The following ANK2 variants were observed in gnomAD, a reference collection of about 807,000 sequenced individuals.
ANK2 encodes ankyrin 2, also known as ankyrin-2.
A neutral mutation model predicts 360.5 loss-of-function variants in ANK2; 83 were observed. That is an observed-to-expected ratio of 0.23 (90% CI 0.19 to 0.28). ANK2 has a LOEUF of 0.28. ANK2 is among the 10% of genes least tolerant of loss of function. ANK2 has a pLI of 1.00. For synonymous variants in ANK2, 1,740 were observed against 1,759.5 expected (o/e 0.99, Z 0.28); for missense variants, 4,201 against 4,795.7 (o/e 0.88, Z 3.66).
intron 1 of ANK2, among the ~76,000 whole-genome samples, chr4:112,832,166 C>G (rs1003056698): frequency 1.3e-5 from 2 of 152,230 alleles, no homozygotes; most frequent in Non-Finnish European, 2.9e-5. Context: ...ATTGTCCTGC[C>G]TCAGCCTCTT....
intron 2 of ANK2, among the ~76,000 whole-genome samples, chr4:113,195,244 G>A (rs939245799): frequency 2.0e-5 from 3 of 151,988 alleles, no homozygotes; most frequent in Non-Finnish European, 2.9e-5. Context: ...CAATTCGGTG[G>A]TCAGGAATTA....
intron 2 of ANK2, among the ~76,000 whole-genome samples, chr4:113,037,357 C>G (rs537893194): frequency 3.9e-5 from 6 of 152,106 alleles, no homozygotes; most frequent in Middle Eastern, 6.8e-3. Context: ...TGAGTCTCAA[C>G]TGATTAGATT....
intron 1 of ANK2, among the ~76,000 whole-genome samples, chr4:112,830,655 A>G (rs926036754): frequency 1.3e-5 from 2 of 152,080 alleles, no homozygotes; most frequent in African/African-American, 4.8e-5. Context: ...ACGTGCTAAC[A>G]GCCCTTGCTC....
chr4:113,241,445 C>G (rs1019983093), intron 8 of ANK2, among the ~76,000 whole-genome samples: 8 of 152,136 alleles, frequency 5.3e-5, no homozygotes, highest in Non-Finnish European at 8.8e-5. Context: ...TCAAGCAATC[C>G]TCCTGGCTCA....
chr4:113,363,461 A>T lies in ANK2; in HGVS notation c.10880A>T (p.His3627Leu). Residue 3627 changes from histidine (H) to leucine (L), a missense_variant, in exon 40 of 46, where the codon CAT (histidine) becomes CTT (leucine). Transcript: ENST00000357077. Reference sequence around the variant, plus strand: ...TACTGGCTAGAGAGGGATGGGAAACATGCTACAGGTAAGTGGGGAACTATA... The same window carrying T: ...TACTGGCTAGAGAGGGATGGGAAACTTGCTACAGGTAAGTGGGGAACTATA... ...LKYWLERDGK[H>L]ATDTNLVECL... 2 of 1,613,440 alleles carry T rather than the reference A, an allele frequency of 1.2e-6. No homozygotes were observed. Among genetic ancestry groups the T allele is most frequent in the Non-Finnish European group, 1.7e-6 (2 of 1,179,524 alleles).
At chr4:113,075,986 G>A (rs1269458860) in intron 1 of ANK2, among the ~76,000 whole-genome samples, 1 of 152,174 alleles carries the variant, frequency 6.6e-6, no homozygotes, top group Admixed American at 6.6e-5. Context: ...ATCTGATTCA[G>A]TAATTTGGGG....
chr4:113,099,291 T>A (rs554667196), intron 1 of ANK2, among the ~76,000 whole-genome samples: 2 of 152,014 alleles, frequency 1.3e-5, no homozygotes, highest in African/African-American at 4.8e-5. Flanking sequence ...CTCTTGGAAC[T>A]AATATTGATG....
intron 2 of ANK2, among the ~76,000 whole-genome samples, chr4:112,997,178 T>C (rs1233509099): frequency 3.3e-5 from 5 of 152,162 alleles, no homozygotes; most frequent in Admixed American, 1.3e-4. Flanking sequence ...TATTGTGAAA[T>C]ATGTATGCAC....
intron 10 of ANK2, 140 bp from the exon 11 acceptor site, chr4:113,255,595 A>T: frequency 1.3e-6 from 1 of 794,486 alleles, no homozygotes; most frequent in Non-Finnish European, 2.0e-6. Flanking sequence ...AGTCTGCTGT[A>T]TATTCTGATG....
intron 1 of ANK2, among the ~76,000 whole-genome samples, chr4:112,896,987 C>A (rs1015144163): frequency 3.3e-5 from 5 of 152,186 alleles, no homozygotes; most frequent in African/African-American, 1.2e-4. Context: ...ACTCCTCAAT[C>A]ATGAATTCTT....
chr4:113,092,564 G>A (rs2088916656), intron 1 of ANK2, among the ~76,000 whole-genome samples: 1 of 142,408 alleles, frequency 7.0e-6, no homozygotes, highest in Non-Finnish European at 1.5e-5. Context: ...CAGTCTCTGG[G>A]AATTAGCTAT....
chr4:113,348,339 G>C (rs1450564970), intron 36 of ANK2, 31 bp downstream of exon 36: 4 of 1,608,032 alleles, frequency 2.5e-6, no homozygotes, highest in East Asian at 2.2e-5. Flanking sequence ...CTTGTTATCG[G>C]CTGTGTCATT....
intron 13 of ANK2, among the ~76,000 whole-genome samples, chr4:113,260,300 A>G (rs898291744): frequency 6.6e-6 from 1 of 152,242 alleles, no homozygotes; most frequent in Non-Finnish European, 1.5e-5. Context: ...AAAATAAAAT[A>G]TTAATTGAAA....
intron 2 of ANK2, among the ~76,000 whole-genome samples, chr4:112,907,798 A>G (rs1480450296): frequency 6.6e-6 from 1 of 152,202 alleles, no homozygotes; most frequent in Non-Finnish European, 1.5e-5. Flanking sequence ...TCACTGCTAA[A>G]TATATTACAA....
the ANK2 span, among the ~76,000 whole-genome samples, chr4:112,792,834 A>G: frequency 2.0e-5 from 3 of 152,150 alleles, no homozygotes; most frequent in Non-Finnish European, 4.4e-5. Flanking sequence ...ATTTTGCCCT[A>G]TTATAAAGGA....
At position 113,146,024 on chromosome 4, in the gene ANK2, G is replaced by A. The variant is rs768852818; in HGVS notation, c.85-28392G>A. The stretch of plus-strand genomic sequence containing the variant: ...TGTGGGTAAGTTTTAGGCCACAAAG[G>A]AGGAGGAAGGGAGGATGGTGGCATA... On this transcript the variant is annotated intron_variant, in intron 1 of 45. Coordinates refer to ENST00000357077, the MANE Select transcript of ANK2 (RefSeq NM_001148.6). 3 of 1,289,564 alleles carry A rather than the reference G, an allele frequency of 2.3e-6. No individual in the cohort carries two copies. The South Asian group carries it at 3.7e-5, about 16-fold the overall frequency. The allele number at this position is 1,289,564 out of a possible 1,614,324, so 79.9% of individuals were successfully genotyped here. A position where few individuals can be genotyped will look rare whatever the true frequency, so the allele number is the denominator to read the frequency against.
chr4:112,788,888 C>T, the ANK2 span: 162 of 694,674 alleles, frequency 2.3e-4, no homozygotes, highest in African/African-American at 2.0e-3. Flanking sequence ...TCTTGGGCTG[C>T]GGGAGGAGAG....
At chr4:113,296,485 C>T (rs1298108370) in intron 22 of ANK2, among the ~76,000 whole-genome samples, 1 of 152,136 alleles carries the variant, frequency 6.6e-6, no homozygotes, top group Non-Finnish European at 1.5e-5. Flanking sequence ...TCCTTTTGAT[C>T]AAAGAAAGTT....
upstream of ANK2, among the ~76,000 whole-genome samples, chr4:112,813,356 C>T (rs2055439398): frequency 6.6e-6 from 1 of 151,244 alleles, no homozygotes; most frequent in South Asian, 2.1e-4. Context: ...TTCCCAAAAG[C>T]AGAATTTAAA....
Sources: gnomAD v4.1 joint callset for allele counts (sites outside exome capture counted in the v4.1 genomes callset) on GRCh38, gnomAD v4.1.1 for gene constraint, MANE v1.5 for transcripts, NCBI Gene and HGNC (gene_info 2026-07-23, HGNC 2026-07-21) for gene names.